Variants in FBLN2 observed in about 807,000 individuals in gnomAD.
FBLN2 encodes the protein fibulin 2.
In FBLN2, 81 loss-of-function variants were observed where a neutral mutation model predicts 123.7. The observed-to-expected ratio is 0.65, with a 90% confidence interval of 0.55 to 0.79. The LOEUF (loss-of-function observed/expected upper bound fraction) is 0.79. Among genes scored for constraint, FBLN2 ranks in the 30% least tolerant of loss-of-function variants. FBLN2 has a pLI of 0.00. For missense variants in FBLN2, 1,603 were observed against 1,681.3 expected (o/e 0.95, Z 0.81); for synonymous variants, 699 against 701.4 (o/e 1.00, Z 0.05).
chr3:13,571,557 C>G lies in FBLN2; in HGVS notation c.1202C>G (p.Pro401Arg). The G allele has an allele frequency of 1.2e-6, 2 of 1,613,602 alleles. No homozygotes were observed. The highest frequency in any genetic ancestry group is 1.7e-6 in the Non-Finnish European group (2 of 1,179,824). The part of the protein sequence containing the change: ...TSLPDAAWIP[P>R]TREVPRKPQV... Reference sequence around the variant, plus strand: ...CTGCCTGATGCAGCCTGGATCCCACCCACCCGAGAAGTGCCCAGGAAGCCG... The same window carrying G: ...CTGCCTGATGCAGCCTGGATCCCACGCACCCGAGAAGTGCCCAGGAAGCCG... The change falls in exon 2 of 18, where the codon CCC becomes CGC. Residue 401 changes from proline to arginine, a missense_variant. Pro to Arg is a moderately radical substitution (Grantham distance 103, BLOSUM62 -2). Transcript: ENST00000404922.
At chr3:13,557,208 G>A (rs1703486618) in intron 1 of FBLN2, among the ~76,000 whole-genome samples, 1 of 152,234 alleles carries the variant, frequency 6.6e-6, no homozygotes, top group African/African-American at 2.4e-5. Flanking sequence ...CCAGGCGCAT[G>A]TCTGGAGCCA....
At chr3:13,607,111 C>T (rs1705231938) in intron 2 of FBLN2, among the ~76,000 whole-genome samples, 1 of 152,138 alleles carries the variant, frequency 6.6e-6, no homozygotes, top group Admixed American at 6.5e-5. Context: ...CCTCAGCCTC[C>T]TGAGTAGCTG....
chr3:13,575,691 T>G (rs1036287049), intron 2 of FBLN2, among the ~76,000 whole-genome samples: 2 of 151,760 alleles, frequency 1.3e-5, no homozygotes, highest in African/African-American at 4.8e-5. Context: ...GAGGCAGGAC[T>G]GGGGGCCAGG....
chr3:13,609,398 C>T, intron 3 of FBLN2, 115 bp from the exon 4 acceptor site: 7 of 1,246,036 alleles, frequency 5.6e-6, no homozygotes, highest in Non-Finnish European at 7.6e-6. Context: ...GCCACCTGCA[C>T]CGGCTCCCTT....
intron 17 of FBLN2, among the ~76,000 whole-genome samples, chr3:13,636,934 C>A (rs1706493593): frequency 6.6e-6 from 1 of 151,772 alleles, no homozygotes; most frequent in African/African-American, 2.4e-5. Context: ...GCTAGGTGGT[C>A]TGGCTCAGGA....
Position 13,618,916 on chromosome 3 carries a change from C to T in FBLN2, c.1952C>T (p.Pro651Leu). The T allele has an allele frequency of 1.2e-6, 2 of 1,612,880 alleles. No homozygotes were observed. Among genetic ancestry groups the T allele is most frequent in the Non-Finnish European group, 1.7e-6 (2 of 1,179,492 alleles). The change falls in exon 7 of 18, where the codon CCA becomes CTA. Residue 651 changes from proline to leucine, a missense_variant. By Grantham distance (98) the Pro-to-Leu change is moderately conservative. Coordinates refer to ENST00000404922, the MANE Select transcript of FBLN2 (RefSeq NM_001004019.2). ...CTACCCATGACAGAGGGTCACCCTC[C>T]ACAGCCGGAAGCCCCACAGGAGCCT... ...GRTCRPEGHP[P>L]QPEAPQEPAL... is the part of the protein sequence containing the mutation.
chr3:13,603,802 C>G (rs1346775490), intron 2 of FBLN2, among the ~76,000 whole-genome samples: 2 of 152,310 alleles, frequency 1.3e-5, no homozygotes, highest in East Asian at 1.9e-4. Flanking sequence ...GATCCCTGAG[C>G]AATCGCCATA....
At chr3:13,614,685 T>C (rs1187713472) in intron 5 of FBLN2, among the ~76,000 whole-genome samples, 1 of 126,450 alleles carries the variant, frequency 7.9e-6, no homozygotes, top group Non-Finnish European at 1.7e-5. Flanking sequence ...TACCCACCCA[T>C]CCACCCATTC....
At chr3:13,581,662 G>A (rs1704336383) in intron 2 of FBLN2, among the ~76,000 whole-genome samples, 1 of 152,190 alleles carries the variant, frequency 6.6e-6, no homozygotes, top group South Asian at 2.1e-4. Context: ...TGCTGCCATG[G>A]TGGGGATTAA....
intron 1 of FBLN2, among the ~76,000 whole-genome samples, chr3:13,558,819 A>G (rs965897730): frequency 3.2e-5 from 4 of 124,356 alleles, no homozygotes; most frequent in African/African-American, 1.2e-4. Flanking sequence ...CCACCTACCT[A>G]CCCATTCATC....
rs767350852 is a variant in FBLN2, at chr3:13,570,593, C to T, written c.238C>T (p.Arg80Cys). The change falls in exon 2 of 18, where the codon CGC becomes TGC. Residue 80 changes from arginine (R) to cysteine (C), a missense_variant. Transcript: ENST00000404922. ...TGACTGCCTACAGGGTGGCTTCGTG[C>T]GCGGCCGCGTGCCCGCCGGTCAGTC... ...YYDCLQGGFV[R>C]GRVPAGQSYF... 13 of 1,578,476 alleles carry T rather than the reference C, an allele frequency of 8.2e-6. No individual in the cohort carries two copies. Among genetic ancestry groups the T allele is most frequent in the East Asian group, 2.3e-5 (1 of 43,076 alleles).
At chr3:13,553,612 C>T (rs970292499) in intron 1 of FBLN2, among the ~76,000 whole-genome samples, 7 of 152,246 alleles carry the variant, frequency 4.6e-5, no homozygotes, top group African/African-American at 9.6e-5. Flanking sequence ...AATTTGGAAA[C>T]GTTGCAGAAA....
At chr3:13,569,509 G>T (rs546862792) in intron 1 of FBLN2, among the ~76,000 whole-genome samples, 2 of 152,006 alleles carry the variant, frequency 1.3e-5, no homozygotes, top group African/African-American at 2.4e-5. Flanking sequence ...TAGAGACCGT[G>T]GGGAGGGAGT....
rs145601391 is a variant in FBLN2, at chr3:13,593,128, C to T, written c.1307-14934C>T. Among the ~76,000 whole-genome samples, 111 of 152,248 alleles carry T rather than the reference C, an allele frequency of 7.3e-4. 3 individuals are homozygous for T. The East Asian group carries it at 0.017, about 23-fold the overall frequency. On this transcript the variant is annotated intron_variant, in intron 2 of 17. Coordinates refer to ENST00000404922, the MANE Select transcript of FBLN2 (RefSeq NM_001004019.2). ...GATTCAACAGGTGGGGAAATAGATG[C>T]CACTTCTCAATGGGAGGAACTGCAA... is the stretch of plus-strand genomic sequence containing the variant.
intron 2 of FBLN2, among the ~76,000 whole-genome samples, chr3:13,591,920 G>C (rs1704687144): frequency 6.6e-6 from 1 of 151,718 alleles, no homozygotes; most frequent in Admixed American, 6.6e-5. Flanking sequence ...CCAGCACCAT[G>C]TGTTGAAAAG....
chr3:13,629,359 A>C, intron 13 of FBLN2, 67 bp downstream of exon 13: 1 of 1,501,678 alleles, frequency 6.7e-7, no homozygotes, highest in African/African-American at 1.4e-5. Context: ...TGTGCACTCC[A>C]CCTCCCCATG....
In FBLN2 at chr3:13,571,399, C is replaced by G. The variant is rs749753564; in HGVS notation, c.1044C>G (p.Ser348=). The change falls in exon 2 of 18, where the codon TCC becomes TCG. Residue 348 remains serine (S), a synonymous_variant. Coordinates refer to ENST00000404922, the MANE Select transcript of FBLN2 (RefSeq NM_001004019.2). ...TCATCCTGGATGCCCAAGCCACGTC[C>G]CGCAGCACTGGGCCGGAGGGCGTGA... ...ENLILDAQAT[S]RSTGPEGVTH... is the part of the protein sequence containing the mutation. 1 of 1,613,006 alleles carries G rather than the reference C, an allele frequency of 6.2e-7. No individual in the cohort carries two copies. The highest frequency in any genetic ancestry group is 8.5e-7 in the Non-Finnish European group (1 of 1,179,594).
intron 16 of FBLN2, 140 bp downstream of exon 16, chr3:13,631,597 AG>A: frequency 1.9e-6 from 2 of 1,043,972 alleles, no homozygotes; most frequent in Non-Finnish European, 1.4e-6. Flanking sequence ...CAATGCTACC[AG>A]TGGCCATGTT....
rs575238057 is a variant in FBLN2, at chr3:13,586,040, A to T, written c.1306+14379A>T. Among the ~76,000 whole-genome samples the T allele has an allele frequency of 1.8e-4, 27 of 152,284 alleles. No individual in the cohort carries two copies. The South Asian group carries it at 5.6e-3, about 32-fold the overall frequency. ...GTATCCAGGAGAAGGCATTGCTATC[A>T]TAGGAGATGACAGCTCCCTGCATGT... On this transcript the variant is annotated intron_variant, in intron 2 of 17. Transcript: ENST00000404922.
Sources: gnomAD v4.1 joint callset for allele counts (sites outside exome capture counted in the v4.1 genomes callset) on GRCh38, gnomAD v4.1.1 for gene constraint, MANE v1.5 for transcripts, NCBI Gene and HGNC (gene_info 2026-07-23, HGNC 2026-07-21) for gene names.